MBD3: variants seen among roughly 807,000 people sequenced by gnomAD.
The protein encoded by MBD3 is methyl-CpG binding domain protein 3.
MBD3 carries 13 observed loss-of-function variants against 31.2 expected under a neutral mutation model. The observed-to-expected ratio is 0.42, with a 90% confidence interval of 0.27 to 0.66. MBD3 has a LOEUF of 0.66. MBD3 is among the 30% of genes least tolerant of loss of function. The pLI is 0.26. For missense variants in MBD3, 440 were observed against 426.5 expected, an observed-to-expected ratio of 1.03 and a Z score of -0.28; for synonymous variants, 223 against 187.4, an observed-to-expected ratio of 1.19 and a Z score of -1.55.
rs1034953791 is a variant in MBD3, at chr19:1,576,341, C to T, written c.*1823G>A. On this transcript the variant is annotated 3_prime_UTR_variant, in exon 7 of 7. Transcript: ENST00000434436. ...GGACCTGAGGACCTGGGGGGCCCTC[C>T]CTGCCAGGCAGCCCCTCCTGCTTCC... 1.3e-5 allele frequency: 2 copies of T among 152,280 alleles called. No individual in the cohort carries two copies. Among genetic ancestry groups the T allele is most frequent in the Non-Finnish European group, 2.9e-5 (2 of 68,096 alleles). 9.4% of individuals were successfully genotyped at this position (152,280 alleles called of 1,614,324 possible).
chr19:1,584,950 C>T, intron 2 of MBD3, 105 bp downstream of exon 2: 1 of 1,489,582 alleles, frequency 6.7e-7, no homozygotes. Context: ...GCTGTGACCT[C>T]CTGCGCTCAG....
chr19:1,583,544 G>T (rs1004149268), intron 3 of MBD3, among the ~76,000 whole-genome samples: 3 of 151,840 alleles, frequency 2.0e-5, no homozygotes, highest in Non-Finnish European at 4.4e-5. Flanking sequence ...GAAAATATTT[G>T]GGGGGAAAAA....
chr19:1,591,824 A>G (rs549152207), intron 1 of MBD3, among the ~76,000 whole-genome samples: 18 of 152,052 alleles, frequency 1.2e-4, no homozygotes, highest in African/African-American at 3.9e-4. Context: ...CCTTGTTCCA[A>G]TTTGGGGACG....
rs142198786 is a variant in MBD3, at chr19:1,581,273, C to T, written c.500-4G>A. The T allele has an allele frequency of 0.016, 25,133 of 1,605,488 alleles. 266 individuals are homozygous for T. Among genetic ancestry groups the T allele is most frequent in the Non-Finnish European group, 0.019 (22,047 of 1,179,710 alleles). ...TCCGTGCAGCCAGGTCCCACCCCTGCCAGGCAGTGGACAAACAGCCGCAAG... is the reference window on the plus strand; with the variant it reads ...TCCGTGCAGCCAGGTCCCACCCCTGTCAGGCAGTGGACAAACAGCCGCAAG... On this transcript the variant is annotated splice_region_variant and splice_polypyrimidine_tract_variant and intron_variant, in intron 4 of 6. Transcript: ENST00000434436.
At chr19:1,579,677 G>A (rs1029314025) in intron 5 of MBD3, among the ~76,000 whole-genome samples, 1 of 151,972 alleles carries the variant, frequency 6.6e-6, no homozygotes, top group Non-Finnish European at 1.5e-5. Flanking sequence ...TCACCTACTC[G>A]ACTGCAGCCA....
chr19:1,584,867 G>A (rs1425594718), intron 2 of MBD3, 188 bp downstream of exon 2: 3 of 1,008,906 alleles, frequency 3.0e-6, no homozygotes, highest in Non-Finnish European at 4.1e-6. Context: ...CGCCCGCCGC[G>A]GGCCGCGTCC....
Position 1,584,790 on chromosome 19 carries a change from G to A in MBD3, c.271-113C>T, listed in dbSNP as rs998654666. 685 of 1,162,984 alleles carry A rather than the reference G, an allele frequency of 5.9e-4. 1 individual carries two copies. The highest frequency in any genetic ancestry group is 7.0e-4 in the Non-Finnish European group (605 of 868,542). 72.0% of individuals were successfully genotyped at this position (1,162,984 alleles called of 1,614,324 possible). A position where few individuals can be genotyped will look rare whatever the true frequency, so the allele number is the denominator to read the frequency against. On this transcript the variant is annotated intron_variant, in intron 2 of 6. Transcript: ENST00000434436. ...TTTGCCGGCGCCCCTCGTGTCCCCC[G>A]CGCCCGCCAGGACCCCCACGGTCCG...
At position 1,584,576 on chromosome 19, in the gene MBD3, C is replaced by G; in HGVS notation, c.372G>C (p.Lys124Asn). ...KITNHPSNKV[K>N]SDPQKAVDQP... ...GGTCCACCGCCTTCTGCGGGTCGCTCTTGACCTTGTTGCTGGGGTGGTTGG... is the reference window on the plus strand; with the variant it reads ...GGTCCACCGCCTTCTGCGGGTCGCTGTTGACCTTGTTGCTGGGGTGGTTGG... The change falls in exon 3 of 7, where the codon AAG becomes AAC. Residue 124 changes from lysine (K) to asparagine (N), a missense_variant. Lys to Asn is a moderately conservative substitution (Grantham distance 94, BLOSUM62 0). Around this residue, in one of 3 missense-constraint regions of MBD3, gnomAD observed 144 missense variants for 196.9 expected, o/e 0.73. Transcript: ENST00000434436. 1 of 1,613,914 alleles carries G rather than the reference C, an allele frequency of 6.2e-7. No individual in the cohort carries two copies. The highest frequency in any genetic ancestry group is 8.5e-7 in the Non-Finnish European group (1 of 1,179,944).
At position 1,584,607 on chromosome 19, in the gene MBD3, T is replaced by C; in HGVS notation, c.341A>G (p.Lys114Arg). 1 of 1,613,918 alleles carries C rather than the reference T, an allele frequency of 6.2e-7. No homozygotes were observed. Among genetic ancestry groups the C allele is most frequent in the South Asian group, 1.1e-5 (1 of 91,092 alleles). Reference sequence around the variant, plus strand: ...CTTGTTGCTGGGGTGGTTGGTAATCTTGGTCACCGGCTGCTTGAAGATGGA... The same window carrying C: ...CTTGTTGCTGGGGTGGTTGGTAATCCTGGTCACCGGCTGCTTGAAGATGGA... ...TASIFKQPVT[K>R]ITNHPSNKVK... Residue 114 changes from lysine to arginine, a missense_variant, in exon 3 of 7, where the codon AAG becomes AGG. Around this residue, in one of 3 missense-constraint regions of MBD3, gnomAD observed 144 missense variants for 196.9 expected, o/e 0.73. Transcript: ENST00000434436.
At chr19:1,580,985 G>A (rs1917339226) in intron 5 of MBD3, 107 bp downstream of exon 5, 1 of 1,378,648 alleles carries the variant, frequency 7.3e-7, no homozygotes, top group East Asian at 2.4e-5. Context: ...CAAAACCCCA[G>A]CAGCATCGTG....
At position 1,578,167 on chromosome 19, in the gene MBD3, G is replaced by A. The variant is rs765214541; in HGVS notation, c.*6-9C>T. 175 of 1,064,788 alleles carry A rather than the reference G, an allele frequency of 1.6e-4. No homozygotes were observed. The highest frequency in any genetic ancestry group is 2.3e-4 in the Non-Finnish European group (167 of 737,052). The allele number at this position is 1,064,788 out of a possible 1,614,324, so 66.0% of individuals were successfully genotyped here. A position where few individuals can be genotyped will look rare whatever the true frequency, so the allele number is the denominator to read the frequency against. ...GGCTCTCGGCAGGGCCTCTGGAAAG[G>A]ACAGGGAGGGCTGGCTTTAGCGACT... On this transcript the variant is annotated splice_polypyrimidine_tract_variant and intron_variant, in intron 6 of 6. Coordinates refer to ENST00000434436, the MANE Select transcript of MBD3 (RefSeq NM_001281453.2). This position sits in a 1 kb window ranked among gnomAD's most constrained non-coding sequence, Gnocchi z 6.1.
intron 4 of MBD3, chr19:1,581,843 C>G (rs1917362963): frequency 6.2e-6 from 1 of 161,620 alleles, no homozygotes; most frequent in African/African-American, 2.4e-5. Flanking sequence ...TCTCGGCTCA[C>G]TGTAAGCTCC....
rs2060668951 is a variant in MBD3, at chr19:1,584,643, C to T, written c.305G>A (p.Arg102His). 1 of 1,613,372 alleles carries T rather than the reference C, an allele frequency of 6.2e-7. No individual in the cohort carries two copies. The highest frequency in any genetic ancestry group is 8.5e-7 in the Non-Finnish European group (1 of 1,179,888). ...KPDLNTALPVRQTASIFKQPV... is the reference protein window; with the variant it reads ...KPDLNTALPVHQTASIFKQPV... ...CTGCTTGAAGATGGACGCCGTCTGGCGCACGGGCAGCGCCGTGTTCAGGTC... is the reference window on the plus strand; with the variant it reads ...CTGCTTGAAGATGGACGCCGTCTGGTGCACGGGCAGCGCCGTGTTCAGGTC... Residue 102 changes from arginine to histidine, a missense_variant, in exon 3 of 7, where the codon CGC becomes CAC. Arg to His is a conservative substitution (Grantham distance 29). Around this residue, in one of 3 missense-constraint regions of MBD3, gnomAD observed 144 missense variants for 196.9 expected, o/e 0.73. Transcript: ENST00000434436.
At position 1,578,668 on chromosome 19, in the gene MBD3, C is replaced by G; in HGVS notation, c.678-130G>C. On this transcript the variant is annotated intron_variant, in intron 5 of 6. Transcript: ENST00000434436. This position sits in a 1 kb window ranked among gnomAD's most constrained non-coding sequence, Gnocchi z 6.1. ...CACAGGCACCCCCCCAGGACCAGCC[C>G]TGGCCCGTGCCACCCCTCCCTTCAC... The G allele has an allele frequency of 6.4e-7, 1 of 1,563,300 alleles. No individual in the cohort carries two copies. The highest frequency in any genetic ancestry group is 1.1e-5 in the South Asian group (1 of 89,502).
At chr19:1,580,887 G>T (rs532877499) in intron 5 of MBD3, among the ~76,000 whole-genome samples, 1 of 152,324 alleles carries the variant, frequency 6.6e-6, no homozygotes, top group East Asian at 1.9e-4. Flanking sequence ...CCTCCAAGGG[G>T]TGCCTGGCTC....
At chr19:1,586,170 G>A (rs1347403206) in intron 1 of MBD3, 2 of 152,160 alleles carry the variant, frequency 1.3e-5, no homozygotes, top group African/African-American at 4.8e-5. Flanking sequence ...CCCGAAAAAT[G>A]AGCACGCATC....
At chr19:1,580,097 T>G (rs1421063129) in intron 5 of MBD3, among the ~76,000 whole-genome samples, 1 of 152,230 alleles carries the variant, frequency 6.6e-6, no homozygotes, top group African/African-American at 2.4e-5. Flanking sequence ...ATGATCTGTC[T>G]GCTATTTTTC....
At chr19:1,592,464 CGCAGAGGCCGCT>C (rs1385743818) in intron 1 of MBD3, 46 bp downstream of exon 1, 9 of 956,002 alleles carry the variant, frequency 9.4e-6, no homozygotes, top group South Asian at 1.8e-5. Flanking sequence ...CCGAGGCCGC[CGCAGAGGCCGCT>C]GGGAGGAGCC....
intron 1 of MBD3, among the ~76,000 whole-genome samples, chr19:1,587,408 C>CTT (rs372109361): frequency 3.4e-5 from 5 of 148,634 alleles, no homozygotes; most frequent in Middle Eastern, 6.9e-3. Flanking sequence ...TGCTTCATTT[C>CTT]TTTTTTTTTT....
Sources: allele counts gnomAD v4.1 joint callset (sites outside exome capture counted in the v4.1 genomes callset), GRCh38; gene constraint gnomAD v4.1.1; regional missense constraint gnomAD v4.1.1; non-coding constraint Gnocchi (gnomAD v3.1); transcripts MANE v1.5; gene names NCBI Gene and HGNC (gene_info 2026-07-23, HGNC 2026-07-21).